SCFD2: variants seen among roughly 807,000 people sequenced by gnomAD.
SCFD2 encodes the protein sec1 family domain containing 2.
In SCFD2, 54 loss-of-function variants were observed where a neutral mutation model predicts 58.9. The observed-to-expected ratio is 0.92, with a 90% confidence interval of 0.74 to 1.15. SCFD2 has a LOEUF of 1.15. Ranked by LOEUF, SCFD2 falls within the 50% of genes most tolerant of loss-of-function variation. The probability of loss-of-function intolerance (pLI) is 0.00; values close to 1 mark genes in which losing one functional copy is unlikely to be tolerated. For synonymous variants in SCFD2, 321 were observed against 335.9 expected (o/e 0.96, Z 0.49); for missense variants, 805 against 836.6 (o/e 0.96, Z 0.47).
chr4:53,289,623 C>T lies in SCFD2; in HGVS notation c.1136-15622G>A, dbSNP rs151139192. Among the ~76,000 whole-genome samples the T allele has an allele frequency of 1.3e-3, 201 of 152,052 alleles. 1 individual carries two copies. The highest frequency in any genetic ancestry group is 4.5e-3 in the African/African-American group (187 of 41,464). On this transcript the variant is annotated intron_variant, in intron 3 of 8. Coordinates refer to ENST00000401642, the MANE Select transcript of SCFD2 (RefSeq NM_152540.4). Reference sequence around the variant, plus strand: ...CAAAATGGCAATAGTAAACACTTGCCTATCAATAACAATCTTAAATATAAA... The same window carrying T: ...CAAAATGGCAATAGTAAACACTTGCTTATCAATAACAATCTTAAATATAAA...
chr4:53,349,466 C>CA (rs1408817916), intron 2 of SCFD2, among the ~76,000 whole-genome samples: 10 of 152,214 alleles, frequency 6.6e-5, no homozygotes, highest in Non-Finnish European at 1.5e-4. Flanking sequence ...ATAGCTGCAG[C>CA]AGTTATCAGA....
chr4:53,112,584 T>C (rs1449627741), intron 5 of SCFD2, among the ~76,000 whole-genome samples: 1 of 152,104 alleles, frequency 6.6e-6, no homozygotes, highest in Admixed American at 6.6e-5. Context: ...CTCAAAACAT[T>C]TGAGTGAAGT....
intron 4 of SCFD2, among the ~76,000 whole-genome samples, chr4:53,177,025 A>G (rs1727359311): frequency 6.6e-6 from 1 of 151,866 alleles, no homozygotes; most frequent in Non-Finnish European, 1.5e-5. Flanking sequence ...AATCAAATGT[A>G]CTTCCTTCTT....
At chr4:53,244,245 A>C (rs986552098) in intron 4 of SCFD2, among the ~76,000 whole-genome samples, 12 of 152,282 alleles carry the variant, frequency 7.9e-5, no homozygotes, top group Non-Finnish European at 1.8e-4. Flanking sequence ...GACCTGATTG[A>C]CATATACAGA....
At chr4:53,131,609 A>G (rs1725788431) in intron 5 of SCFD2, among the ~76,000 whole-genome samples, 1 of 152,250 alleles carries the variant, frequency 6.6e-6, no homozygotes, top group Non-Finnish European at 1.5e-5. Flanking sequence ...GAGAAAGAAG[A>G]GATCTTAGAT....
chr4:52,913,769 C>T (rs1719541693), intron 6 of SCFD2, among the ~76,000 whole-genome samples: 1 of 152,164 alleles, frequency 6.6e-6, no homozygotes, highest in Non-Finnish European at 1.5e-5. Flanking sequence ...AAGACTTTAC[C>T]TCTCATCAGC....
chr4:53,232,201 C>T (rs1334002823), intron 4 of SCFD2, among the ~76,000 whole-genome samples: 2 of 151,964 alleles, frequency 1.3e-5, no homozygotes, highest in Non-Finnish European at 2.9e-5. Context: ...AAAACAGCAA[C>T]CAAAACAAAA....
chr4:53,292,735 T>C (rs750223889), intron 3 of SCFD2, among the ~76,000 whole-genome samples: 11 of 152,126 alleles, frequency 7.2e-5, no homozygotes, highest in Non-Finnish European at 1.6e-4. Context: ...CATTCTATTA[T>C]AAAGATACAT....
chr4:52,892,311 T>TAGA (rs1718896370), intron 7 of SCFD2, among the ~76,000 whole-genome samples: 1 of 152,166 alleles, frequency 6.6e-6, no homozygotes, highest in East Asian at 1.9e-4. Context: ...CCTTAGACTT[T>TAGA]CATCTTCTCA....
intron 5 of SCFD2, among the ~76,000 whole-genome samples, chr4:53,083,681 A>ATC (rs1491058673): frequency 2.0e-5 from 3 of 152,226 alleles, no homozygotes; most frequent in Non-Finnish European, 4.4e-5. Context: ...TGAGAAATAA[A>ATC]GAGAGACAGT....
At chr4:53,123,445 G>C (rs1383349595) in intron 5 of SCFD2, among the ~76,000 whole-genome samples, 1 of 151,572 alleles carries the variant, frequency 6.6e-6, no homozygotes, top group Non-Finnish European at 1.5e-5. Flanking sequence ...GAAACCAACA[G>C]TGGGGACTGT....
chr4:52,905,657 G>T (rs1402990026), intron 7 of SCFD2, among the ~76,000 whole-genome samples: 1 of 152,216 alleles, frequency 6.6e-6, no homozygotes, highest in South Asian at 2.1e-4. Context: ...AACACTGGGG[G>T]TTTGAAATGG....
At chr4:53,049,363 G>C (rs1435059016) in intron 5 of SCFD2, among the ~76,000 whole-genome samples, 1 of 151,922 alleles carries the variant, frequency 6.6e-6, no homozygotes, top group African/African-American at 2.4e-5. Context: ...GGTACTAATA[G>C]TAACAATCAC....
chr4:53,114,686 C>T (rs1377737109), intron 5 of SCFD2, among the ~76,000 whole-genome samples: 1 of 151,954 alleles, frequency 6.6e-6, no homozygotes, highest in African/African-American at 2.4e-5. Context: ...AGAATTGCTT[C>T]AGGAAGTTCT....
At chr4:52,886,169 ATTGT>A (rs1195579694) in intron 7 of SCFD2, among the ~76,000 whole-genome samples, 2 of 151,776 alleles carry the variant, frequency 1.3e-5, no homozygotes, top group African/African-American at 2.4e-5. Context: ...CCCTTCCCTA[ATTGT>A]TTGTTTACAC....
intron 5 of SCFD2, among the ~76,000 whole-genome samples, chr4:52,979,065 T>TTGG (rs146837646): frequency 4.8e-5 from 7 of 146,892 alleles, no homozygotes; most frequent in Admixed American, 1.4e-4. Context: ...GGCCTTTTTT[T>TTGG]GGGGGGGGGA....
chr4:53,067,568 T>C (rs574462063), intron 5 of SCFD2, among the ~76,000 whole-genome samples: 1 of 152,108 alleles, frequency 6.6e-6, no homozygotes, highest in East Asian at 1.9e-4. Context: ...TTCTTGTGGA[T>C]AGTGAGTAAT....
intron 5 of SCFD2, among the ~76,000 whole-genome samples, chr4:52,932,101 G>A (rs1175791922): frequency 2.0e-5 from 3 of 152,180 alleles, no homozygotes; most frequent in African/African-American, 4.8e-5. Context: ...CTGGTTGCTG[G>A]TTTAAAAAAT....
intron 5 of SCFD2, among the ~76,000 whole-genome samples, chr4:52,964,284 G>A (rs1720913166): frequency 6.6e-6 from 1 of 152,202 alleles, no homozygotes; most frequent in Admixed American, 6.5e-5. Context: ...AGTTGCTTAA[G>A]TTCTGGGCTG....
Sources: allele counts gnomAD v4.1 joint callset (sites outside exome capture counted in the v4.1 genomes callset), GRCh38; gene constraint gnomAD v4.1.1; transcripts MANE v1.5; gene names NCBI Gene and HGNC (gene_info 2026-07-23, HGNC 2026-07-21).